NBPF20: variants seen among roughly 807,000 people sequenced by gnomAD.
NBPF20 encodes NBPF family member NBPF20.
Under a neutral mutation model 68.1 loss-of-function variants are expected in NBPF20, and 90 were observed. The ratio of observed to expected loss-of-function variants is 1.32; its 90% CI spans 1.11 to 1.58. The LOEUF (loss-of-function observed/expected upper bound fraction) is 1.58, where lower values mean the gene tolerates loss of function less well. Among genes scored for constraint, NBPF20 ranks in the 40% most tolerant of loss-of-function variants. The pLI is 0.00. For missense variants in NBPF20, 816 were observed against 601.2 expected (o/e 1.36, Z -3.74); for synonymous variants, 290 against 228.1 (o/e 1.27, Z -2.45).
intron 8 of NBPF20, among the ~76,000 whole-genome samples, chr1:145,394,456 T>C (rs1553663234): frequency 9.9e-5 from 15 of 152,130 alleles, no homozygotes; most frequent in Admixed American, 3.3e-4. Flanking sequence ...AGGAACATGA[T>C]GGACAGATGA....
At chr1:145,312,048 C>T (rs1661500015) in intron 112 of NBPF20, among the ~76,000 whole-genome samples, 160 bp downstream of exon 117, 1 of 38,554 alleles carries the variant, frequency 2.6e-5, no homozygotes, top group Non-Finnish European at 4.1e-5. Context: ...CTTGTCTGGG[C>T]TTCCAAGTGG....
At chr1:145,425,437 G>A in the NBPF20 span, among the ~76,000 whole-genome samples, 1 of 152,130 alleles carries the variant, frequency 6.6e-6, no homozygotes, top group African/African-American at 2.4e-5. Context: ...GCCCGCTCCT[G>A]GCGCCACAGG....
At chr1:145,298,339 C>A (rs1434443995) in intron 129 of NBPF20, among the ~76,000 whole-genome samples, 4 of 141,072 alleles carry the variant, frequency 2.8e-5, no homozygotes, top group East Asian at 2.0e-4. Flanking sequence ...TAGACACACA[C>A]ACACACACAC....
rs1553664245 is a variant in NBPF20 at position 145,397,654 on chromosome 1, C to G, written c.827+1395G>C. On this transcript the variant is annotated intron_variant, in intron 7 of 137. Coordinates refer to ENST00000369373, the Ensembl canonical transcript of NBPF20. ...CATGCCAAACTGTAAAGACCATTGA[C>G]GCTAGGAAGAAACTGCATCAACTAA... is the stretch of plus-strand genomic sequence containing the variant. Among the ~76,000 whole-genome samples, 60 of 152,248 alleles carry G rather than the reference C, an allele frequency of 3.9e-4. 2 individuals carry two copies. The highest frequency in any genetic ancestry group is 1.3e-3 in the African/African-American group (55 of 41,550).
exon 8 of NBPF20, chr1:145,394,999 A>G: frequency 6.2e-7 from 1 of 1,611,948 alleles, no homozygotes; most frequent in Non-Finnish European, 8.5e-7. Context: ...ACAGCCATGC[A>G]GACTTGCTGT....
chr1:145,292,535 T>A lies in NBPF20; in HGVS notation c.16589-46A>T, dbSNP rs587772620. 35 of 681,942 alleles carry A rather than the reference T, an allele frequency of 5.1e-5. 1 individual carries two copies. In the East Asian group the frequency reaches 6.2e-4, roughly 12 times the overall value. 42.2% of individuals were successfully genotyped at this position (681,942 alleles called of 1,614,324 possible). On this transcript the variant is annotated intron_variant, in intron 136 of 137. Transcript: ENST00000369373. Reference sequence around the variant, plus strand: ...GACAGACACATTAAGCTGATTCCCCTACACACATAACAATCCACTGTCTAA... The same window carrying A: ...GACAGACACATTAAGCTGATTCCCCAACACACATAACAATCCACTGTCTAA...
exon 6 of NBPF20, chr1:145,400,508 T>A (rs1662470392): frequency 6.2e-7 from 1 of 1,612,942 alleles, no homozygotes; most frequent in Non-Finnish European, 8.5e-7. Flanking sequence ...GTTGGAGTCA[T>A]AAGGGCCATG....
chr1:145,291,451 T>A (rs1553657483), exon 138 of NBPF20: 13 of 1,611,896 alleles, frequency 8.1e-6, no homozygotes, highest in South Asian at 2.2e-5. Context: ...AATGGAACTG[T>A]ACTTTCATTC....
At chr1:145,409,818 C>A (rs1662936706), upstream of NBPF20, among the ~76,000 whole-genome samples, 1 of 151,700 alleles carries the variant, frequency 6.6e-6, no homozygotes, top group South Asian at 2.1e-4. Flanking sequence ...CTTCCACATA[C>A]ACATATAGCT....
intron 2 of NBPF20, among the ~76,000 whole-genome samples, chr1:145,404,505 C>G (rs1254402598): frequency 6.6e-6 from 1 of 152,116 alleles, no homozygotes; most frequent in Non-Finnish European, 1.5e-5. Flanking sequence ...GCTCTGCCCG[C>G]CTCAGCCTCC....
the NBPF20 span, among the ~76,000 whole-genome samples, chr1:145,424,891 T>C: frequency 2.0e-5 from 3 of 152,088 alleles, no homozygotes; most frequent in African/African-American, 7.2e-5. Context: ...GGCTTGCCCA[T>C]CACCAGCCTG....
At position 145,390,342 on chromosome 1, in the gene NBPF20, A is replaced by T. The variant is rs1318071185; in HGVS notation, c.1494-226T>A. On this transcript the variant is annotated intron_variant, in intron 13 of 137. Transcript: ENST00000369373. The stretch of plus-strand genomic sequence containing the variant: ...CACACACACACACACACACACACAC[A>T]CAGACACACACACAGACACACACAC... Among the ~76,000 whole-genome samples, 28 of 64,492 alleles carry T rather than the reference A, an allele frequency of 4.3e-4. 5 individuals are homozygous for T. The highest frequency in any genetic ancestry group is 5.2e-5 in the Non-Finnish European group (2 of 38,486). 42.3% of individuals were successfully genotyped at this position (64,492 alleles called of 152,430 possible).
At chr1:145,407,632 T>C (rs1282415624), upstream of NBPF20, 2 of 150,882 alleles carry the variant, frequency 1.3e-5, no homozygotes, top group African/African-American at 4.9e-5. Flanking sequence ...CGAGGGCTAC[T>C]GCACAGCTAG....
chr1:145,419,854 C>T, the NBPF20 span, among the ~76,000 whole-genome samples: 7 of 152,188 alleles, frequency 4.6e-5, no homozygotes, highest in Non-Finnish European at 1.0e-4. Context: ...AAGGCGTCCA[C>T]CACAAGGTCC....
intron 8 of NBPF20, 67 bp downstream of exon 13, chr1:145,394,911 C>A (rs1462413732): frequency 1.3e-4 from 214 of 1,586,828 alleles, no homozygotes; most frequent in Admixed American, 5.3e-4. Flanking sequence ...GGCACAAGGC[C>A]CAAAGATTAT....
At chr1:145,398,157 T>C (rs1662351896) in intron 7 of NBPF20, among the ~76,000 whole-genome samples, 1 of 151,932 alleles carries the variant, frequency 6.6e-6, no homozygotes, top group African/African-American at 2.4e-5. Flanking sequence ...CCACTGTCAA[T>C]ATTAGACAGA....
At chr1:145,403,118 C>T in intron 3 of NBPF20, 98 bp downstream of exon 8, 6 of 1,382,714 alleles carry the variant, frequency 4.3e-6, no homozygotes, top group Admixed American at 1.7e-5. Flanking sequence ...CCTGCCCTTC[C>T]CCTGGCCCAG....
chr1:145,405,063 C>A, intron 2 of NBPF20, 35 bp downstream of exon 7: 1 of 1,612,782 alleles, frequency 6.2e-7, no homozygotes, highest in South Asian at 1.1e-5. Flanking sequence ...GGACATCATT[C>A]ATCACTTTCA....
chr1:145,393,321 C>G, intron 9 of NBPF20, 75 bp from the exon 15 acceptor site: 1 of 680,672 alleles, frequency 1.5e-6, no homozygotes, highest in Non-Finnish European at 2.7e-6. Flanking sequence ...GATTTCATGG[C>G]TAACGTAAGG....
Sources: allele counts gnomAD v4.1 joint callset (sites outside exome capture counted in the v4.1 genomes callset), GRCh38; gene constraint gnomAD v4.1.1; transcripts MANE v1.5; gene names NCBI Gene and HGNC (gene_info 2026-07-23, HGNC 2026-07-21).